The following BNC2 variants were observed in gnomAD, a reference collection of about 807,000 sequenced individuals.
BNC2 encodes zinc finger protein basonuclin-2.
In BNC2, 20 loss-of-function variants were observed where a neutral mutation model predicts 76.3. That is an observed-to-expected ratio of 0.26 (90% CI 0.18 to 0.38). The LOEUF (loss-of-function observed/expected upper bound fraction) is 0.38. Ranked by LOEUF, BNC2 falls within the 10% of genes least tolerant of loss-of-function variation. The probability of loss-of-function intolerance (pLI) is 1.00; values close to 1 mark genes in which losing one functional copy is unlikely to be tolerated. For missense variants in BNC2, 1,382 were observed against 1,399.8 expected (o/e 0.99, Z 0.20); for synonymous variants, 582 against 514.8 (o/e 1.13, Z -1.77).
intron 5 of BNC2, among the ~76,000 whole-genome samples, chr9:16,491,941 T>C (rs1260915389): frequency 1.3e-5 from 2 of 152,232 alleles, no homozygotes; most frequent in African/African-American, 4.8e-5. Context: ...CTCACATACT[T>C]CCGCTTTTAC....
At chr9:16,611,291 A>G (rs1820538714) in intron 3 of BNC2, among the ~76,000 whole-genome samples, 1 of 152,176 alleles carries the variant, frequency 6.6e-6, no homozygotes, top group Non-Finnish European at 1.5e-5. Flanking sequence ...AGTTTTTTCT[A>G]TAACCTGCAC....
chr9:16,721,463 A>C (rs1228782643), intron 3 of BNC2, among the ~76,000 whole-genome samples: 1 of 152,160 alleles, frequency 6.6e-6, no homozygotes, highest in Non-Finnish European at 1.5e-5. Flanking sequence ...GAAATAAAAA[A>C]TGGCATCAGC....
chr9:16,672,164 T>G (rs1320440253), intron 3 of BNC2, among the ~76,000 whole-genome samples: 1 of 152,170 alleles, frequency 6.6e-6, no homozygotes, highest in Non-Finnish European at 1.5e-5. Context: ...AAAAGATCTT[T>G]AAAATAATAC....
chr9:16,462,970 G>A (rs1821617669), intron 5 of BNC2, among the ~76,000 whole-genome samples: 1 of 152,030 alleles, frequency 6.6e-6, no homozygotes. Context: ...CTCCAGAACC[G>A]ACCATTTCTG....
intron 3 of BNC2, among the ~76,000 whole-genome samples, chr9:16,661,455 T>A (rs1822108421): frequency 6.6e-6 from 1 of 150,784 alleles, no homozygotes; most frequent in Admixed American, 6.6e-5. Flanking sequence ...TGTATGTTAG[T>A]TCCCCAGAGA....
intron 1 of BNC2, among the ~76,000 whole-genome samples, chr9:16,842,305 T>C (rs1207183372): frequency 6.6e-6 from 1 of 152,244 alleles, no homozygotes; most frequent in East Asian, 1.9e-4. Flanking sequence ...ATAAGTATGA[T>C]ACTTTCTGTT....
In BNC2 at chr9:16,616,788, G is replaced by GA. The variant is rs1820712261; in HGVS notation, c.331-33704dup. Among the ~76,000 whole-genome samples the GA allele has an allele frequency of 1.5e-4, 22 of 142,636 alleles. 2 individuals carry two copies. In the South Asian group the frequency reaches 2.3e-3, roughly 15 times the overall value. 93.6% of individuals were successfully genotyped at this position (142,636 alleles called of 152,430 possible). Reference sequence around the variant, plus strand: ...AGGGATGGGAGGGGAGGGGAGGAAGGAGGGAAGGAAGGAAGGAAGGAAGGA... The same window carrying GA: ...AGGGATGGGAGGGGAGGGGAGGAAGGAAGGGAAGGAAGGAAGGAAGGAAGGA... On this transcript the variant is annotated intron_variant, in intron 3 of 6. Transcript: ENST00000380672.
At chr9:16,780,699 C>A (rs1409847265) in intron 1 of BNC2, among the ~76,000 whole-genome samples, 1 of 151,988 alleles carries the variant, frequency 6.6e-6, no homozygotes, top group Admixed American at 6.6e-5. Context: ...GTAAGGCAAA[C>A]ACAGGATAAA....
intron 3 of BNC2, among the ~76,000 whole-genome samples, chr9:16,629,587 A>G (rs1344526768): frequency 1.3e-5 from 2 of 152,122 alleles, no homozygotes; most frequent in Non-Finnish European, 2.9e-5. Flanking sequence ...GGAAAGAGTA[A>G]AGGATGAGCA....
chr9:16,737,440 C>T (rs1365705078), intron 2 of BNC2, among the ~76,000 whole-genome samples: 1 of 151,226 alleles, frequency 6.6e-6, no homozygotes, highest in Non-Finnish European at 1.5e-5. Context: ...TTAGTAGAGA[C>T]GAGGTTTCAC....
intron 3 of BNC2, among the ~76,000 whole-genome samples, chr9:16,726,565 A>AC (rs1824328822): frequency 1.3e-5 from 2 of 149,628 alleles, no homozygotes; most frequent in Admixed American, 1.3e-4. Flanking sequence ...TTTTTAAAAA[A>AC]AAAAAAAAAA....
At chr9:16,748,286 G>A (rs1212954317) in intron 1 of BNC2, among the ~76,000 whole-genome samples, 2 of 152,272 alleles carry the variant, frequency 1.3e-5, no homozygotes, top group African/African-American at 4.8e-5. Flanking sequence ...GGCCGAGGCA[G>A]GAAGACTGTT....
rs537824339 is a variant in BNC2, at chr9:16,735,682, G to C, written c.129+2678C>G. Among the ~76,000 whole-genome samples, 5 of 151,848 alleles carry C rather than the reference G, an allele frequency of 3.3e-5. No individual in the cohort carries two copies. The East Asian group carries it at 9.9e-4, about 30-fold the overall frequency. ...CGGCTAATTTTTGTATTTTTTGGTA[G>C]AGAGGGGGTTTCACCAAACCCTGAC... is the stretch of plus-strand genomic sequence containing the variant. On this transcript the variant is annotated intron_variant, in intron 2 of 6. Coordinates refer to ENST00000380672, the MANE Select transcript of BNC2 (RefSeq NM_017637.6).
intron 1 of BNC2, among the ~76,000 whole-genome samples, chr9:16,825,142 G>A (rs1020865811): frequency 5.9e-5 from 9 of 151,690 alleles, no homozygotes; most frequent in East Asian, 5.8e-4. Context: ...TTACTCAGCC[G>A]AATGAGGAGG....
intron 1 of BNC2, among the ~76,000 whole-genome samples, chr9:16,850,728 T>C (rs576566321): frequency 5.6e-4 from 85 of 151,834 alleles, no homozygotes; most frequent in Admixed American, 1.2e-3. Flanking sequence ...AGTCCAAGAG[T>C]TCAAGGCTGC....
intron 5 of BNC2, among the ~76,000 whole-genome samples, chr9:16,459,226 G>A (rs953593012): frequency 5.9e-5 from 9 of 152,108 alleles, no homozygotes; most frequent in East Asian, 1.9e-4. Context: ...GTGCAATCAC[G>A]TTCTCCTATA....
chr9:16,721,467 C>T (rs1156777107), intron 3 of BNC2, among the ~76,000 whole-genome samples: 3 of 152,072 alleles, frequency 2.0e-5, no homozygotes, highest in African/African-American at 7.2e-5. Flanking sequence ...TAAAAAATGG[C>T]ATCAGCTTTG....
chr9:16,833,553 A>T (rs928809054), intron 1 of BNC2, among the ~76,000 whole-genome samples: 15 of 151,700 alleles, frequency 9.9e-5, no homozygotes, highest in East Asian at 5.8e-4. Context: ...GCAAAGAGCA[A>T]TTTTTTTTTC....
chr9:16,636,770 T>C (rs1821341427), intron 3 of BNC2, among the ~76,000 whole-genome samples: 1 of 152,210 alleles, frequency 6.6e-6, no homozygotes, highest in South Asian at 2.1e-4. Flanking sequence ...TTAGCCAAGC[T>C]ACTGGAATTC....
Sources: allele counts gnomAD v4.1 joint callset (sites outside exome capture counted in the v4.1 genomes callset), GRCh38; gene constraint gnomAD v4.1.1; transcripts MANE v1.5; gene names NCBI Gene and HGNC (gene_info 2026-07-23, HGNC 2026-07-21).